The following KCNJ6 variants were observed in gnomAD, a reference collection of about 807,000 sequenced individuals.
KCNJ6 encodes the protein G protein-activated inward rectifier potassium channel 2.
KCNJ6 carries 9 observed loss-of-function variants against 34.2 expected under a neutral mutation model. The ratio of observed to expected loss-of-function variants is 0.26; its 90% CI spans 0.16 to 0.46. The LOEUF is 0.46. KCNJ6 is among the 20% of genes least tolerant of loss of function. KCNJ6 has a pLI of 1.00. For missense variants in KCNJ6, 236 were observed against 531.3 expected, an observed-to-expected ratio of 0.44 and a Z score of 5.46; for synonymous variants, 196 against 207.1, an observed-to-expected ratio of 0.95 and a Z score of 0.46.
intron 2 of KCNJ6, among the ~76,000 whole-genome samples, chr21:37,839,947 C>T (rs2055470612): frequency 6.6e-6 from 1 of 152,112 alleles, no homozygotes; most frequent in African/African-American, 2.4e-5. Context: ...TGCAGGCATG[C>T]ACCACCATGC....
chr21:37,641,715 G>GA (rs1316814183), intron 3 of KCNJ6, among the ~76,000 whole-genome samples: 1 of 151,492 alleles, frequency 6.6e-6, no homozygotes, highest in African/African-American at 2.4e-5. Flanking sequence ...GATGGGCAGG[G>GA]GAGCTTTTGG....
chr21:37,664,092 A>G (rs2054502691), intron 3 of KCNJ6, among the ~76,000 whole-genome samples: 1 of 152,230 alleles, frequency 6.6e-6, no homozygotes, highest in Admixed American at 6.5e-5. Context: ...TTGGAAATAA[A>G]ATAAAGTTGA....
chr21:37,770,265 G>A (rs962978782), intron 2 of KCNJ6, among the ~76,000 whole-genome samples: 2 of 152,044 alleles, frequency 1.3e-5, no homozygotes, highest in African/African-American at 4.8e-5. Context: ...AGACTTTCGC[G>A]GGCCATTTCT....
At chr21:37,857,226 G>T (rs2055569701) in intron 1 of KCNJ6, among the ~76,000 whole-genome samples, 1 of 152,154 alleles carries the variant, frequency 6.6e-6, no homozygotes, top group Admixed American at 6.5e-5. Context: ...TATGTAGAGG[G>T]AGGGCTATTG....
At chr21:37,634,219 G>T (rs150846527) in intron 3 of KCNJ6, among the ~76,000 whole-genome samples, 1 of 152,148 alleles carries the variant, frequency 6.6e-6, no homozygotes, top group Admixed American at 6.5e-5. Context: ...TTGGTGCCAC[G>T]CCCAAGGTAA....
At chr21:37,654,243 T>G (rs187527008) in intron 3 of KCNJ6, among the ~76,000 whole-genome samples, 44 of 151,782 alleles carry the variant, frequency 2.9e-4, no homozygotes, top group African/African-American at 1.1e-3. Flanking sequence ...AGCAAGCATC[T>G]CTTCAGTCTC....
chr21:37,790,294 C>T (rs994471849), intron 2 of KCNJ6, among the ~76,000 whole-genome samples: 4 of 152,008 alleles, frequency 2.6e-5, no homozygotes, highest in Admixed American at 6.5e-5. Context: ...TTCTTAGATG[C>T]GGATCAAAGG....
intron 2 of KCNJ6, among the ~76,000 whole-genome samples, chr21:37,716,692 C>G (rs898979616): frequency 6.6e-6 from 1 of 152,102 alleles, no homozygotes; most frequent in Non-Finnish European, 1.5e-5. Context: ...TATGTTGTTT[C>G]TTATGGCTTT....
chr21:37,617,991 G>C lies in KCNJ6; in HGVS notation c.*7168C>G, dbSNP rs1255770033. ...TCATTGTCCAGATGGGCAAGAGCCAGACCCTGCAGGGAGAAGCTCCCCTAG... is the reference window on the plus strand; with the variant it reads ...TCATTGTCCAGATGGGCAAGAGCCACACCCTGCAGGGAGAAGCTCCCCTAG... On this transcript the variant is annotated 3_prime_UTR_variant, in exon 4 of 4. Transcript: ENST00000609713. The C allele has an allele frequency of 6.6e-6, 1 of 152,312 alleles. No homozygotes were observed. Among genetic ancestry groups the C allele is most frequent in the Non-Finnish European group, 1.5e-5 (1 of 68,112 alleles). The allele number at this position is 152,312 out of a possible 1,614,324, so 9.4% of individuals were successfully genotyped here. A position where few individuals can be genotyped will look rare whatever the true frequency, so the allele number is the denominator to read the frequency against.
At chr21:37,731,642 G>A (rs1410880771) in intron 2 of KCNJ6, among the ~76,000 whole-genome samples, 2 of 152,102 alleles carry the variant, frequency 1.3e-5, no homozygotes, top group African/African-American at 4.8e-5. Context: ...CTAAGTCTAG[G>A]GTACTTTTTA....
chr21:37,910,280 G>A (rs2836047), intron 1 of KCNJ6, among the ~76,000 whole-genome samples: 42,969 of 151,986 alleles, frequency 0.28, 6,984 homozygotes, highest in East Asian at 0.63. Flanking sequence ...AAGAAACACC[G>A]GAGCCTGTGC....
chr21:37,842,371 A>G (rs558758927), intron 1 of KCNJ6, among the ~76,000 whole-genome samples: 1 of 152,288 alleles, frequency 6.6e-6, no homozygotes, highest in Admixed American at 6.5e-5. Flanking sequence ...GTGTTGTAGT[A>G]AGGATAGAAA....
At chr21:37,698,405 A>AG (rs1389433496) in intron 3 of KCNJ6, among the ~76,000 whole-genome samples, 4 of 152,316 alleles carry the variant, frequency 2.6e-5, no homozygotes, top group Admixed American at 2.6e-4. Flanking sequence ...GGAGTGCGGG[A>AG]GGGGGGCTCA....
In KCNJ6 at chr21:37,855,150, C is replaced by T. The variant is rs146556685; in HGVS notation, c.-27-14441G>A. On this transcript the variant is annotated intron_variant, in intron 1 of 3. Transcript: ENST00000609713. ...GTATGCTCTCTGATCACAATGGAAT[C>T]GAACTTTTAAAAAATAAAATTTTTT... Among the ~76,000 whole-genome samples, 335 of 152,298 alleles carry T rather than the reference C, an allele frequency of 2.2e-3. 1 individual carries two copies. Among genetic ancestry groups the T allele is most frequent in the African/African-American group, 7.7e-3 (319 of 41,562 alleles).
At chr21:37,656,629 T>C (rs2054465503) in intron 3 of KCNJ6, among the ~76,000 whole-genome samples, 1 of 152,208 alleles carries the variant, frequency 6.6e-6, no homozygotes, top group Non-Finnish European at 1.5e-5. Flanking sequence ...GGGGCTGGCA[T>C]GGGACACAAG....
chr21:37,665,241 G>T (rs145444009), intron 3 of KCNJ6, among the ~76,000 whole-genome samples: 44 of 152,278 alleles, frequency 2.9e-4, no homozygotes, highest in African/African-American at 9.4e-4. Flanking sequence ...TGGCACATAG[G>T]ATGCATTAAA....
At position 37,726,592 on chromosome 21, in the gene KCNJ6, TTGTG is replaced by T. The variant is rs1419529818; in HGVS notation, c.26-11465_26-11462del. Among the ~76,000 whole-genome samples the T allele has an allele frequency of 3.3e-5, 5 of 152,166 alleles. No individual in the cohort carries two copies. The East Asian group carries it at 9.6e-4, about 29-fold the overall frequency. On this transcript the variant is annotated intron_variant, in intron 2 of 3. Transcript: ENST00000609713. ...CCATCTTACAGTAATGTGTGCATGTTTGTGAATGTGTGTGTATGTGTGTGTGTAA... is the reference window on the plus strand; with the variant it reads ...CCATCTTACAGTAATGTGTGCATGTTAATGTGTGTGTATGTGTGTGTGTAA...
At chr21:37,744,771 G>C (rs9979605) in intron 2 of KCNJ6, among the ~76,000 whole-genome samples, 13 of 152,150 alleles carry the variant, frequency 8.5e-5, no homozygotes, top group Admixed American at 1.3e-4. Flanking sequence ...GGCAACAGTG[G>C]GGGGTGTGTA....
At chr21:37,710,881 C>A (rs958784845) in intron 3 of KCNJ6, among the ~76,000 whole-genome samples, 4 of 152,212 alleles carry the variant, frequency 2.6e-5, no homozygotes, top group Admixed American at 2.6e-4. Context: ...TGAGACACAG[C>A]CAACTCCTAG....
Sources: allele counts gnomAD v4.1 joint callset (sites outside exome capture counted in the v4.1 genomes callset), GRCh38; gene constraint gnomAD v4.1.1; transcripts MANE v1.5; gene names NCBI Gene and HGNC (gene_info 2026-07-23, HGNC 2026-07-21).